Variants in CEP104 observed in about 807,000 individuals in gnomAD.
CEP104 encodes centrosomal protein 104.
CEP104 carries 84 observed loss-of-function variants against 113.3 expected under a neutral mutation model. The observed-to-expected ratio is 0.74, with a 90% CI of 0.62 to 0.89. CEP104 has a LOEUF of 0.89. Among genes scored for constraint, CEP104 ranks in the 40% least tolerant of loss-of-function variants. CEP104 has a pLI of 0.00. For synonymous variants in CEP104, 378 were observed against 421.7 expected (o/e 0.90, Z 1.27); for missense variants, 1,053 against 1,156.6 (o/e 0.91, Z 1.30).
At chr1:3,833,008 T>A (rs780288246) in intron 12 of CEP104, among the ~76,000 whole-genome samples, 1 of 137,906 alleles carries the variant, frequency 7.3e-6, no homozygotes, top group African/African-American at 2.8e-5. Flanking sequence ...TTTTTTAAGA[T>A]GGAGTCTCAC....
chr1:3,816,422 C>G (rs374111786), intron 20 of CEP104, 52 bp from the exon 21 acceptor site: 1 of 1,434,796 alleles, frequency 7.0e-7, no homozygotes, highest in African/African-American at 1.4e-5. Flanking sequence ...GGACCTGGCA[C>G]GCTACCTGAG....
chr1:3,856,195 G>A (rs1431970226), intron 1 of CEP104, among the ~76,000 whole-genome samples: 1 of 152,190 alleles, frequency 6.6e-6, no homozygotes, highest in Non-Finnish European at 1.5e-5. Flanking sequence ...TATTACTTGA[G>A]GTCAGGAGTT....
chr1:3,825,136 GT>G (rs1644065335), intron 18 of CEP104, among the ~76,000 whole-genome samples: 1 of 102,778 alleles, frequency 9.7e-6, no homozygotes, highest in Admixed American at 9.1e-5. Flanking sequence ...CAGTGGCACT[GT>G]GGGAAGGGGG....
At chr1:3,851,816 A>C (rs1644616727) in intron 2 of CEP104, among the ~76,000 whole-genome samples, 1 of 152,182 alleles carries the variant, frequency 6.6e-6, no homozygotes, top group South Asian at 2.1e-4. Flanking sequence ...TGCCCAATTG[A>C]ACATTTTAAT....
chr1:3,835,366 G>A (rs1363467441), intron 10 of CEP104, among the ~76,000 whole-genome samples: 1 of 152,060 alleles, frequency 6.6e-6, no homozygotes, highest in Non-Finnish European at 1.5e-5. Flanking sequence ...GAGAACGAGG[G>A]AAAACCCTAC....
chr1:3,833,828 T>A (rs1644260870), intron 12 of CEP104, 34 bp downstream of exon 12: 3 of 1,606,156 alleles, frequency 1.9e-6, no homozygotes, highest in Non-Finnish European at 2.6e-6. Flanking sequence ...ATGTTTATCA[T>A]CTACGGTTTC....
In CEP104 at chr1:3,823,280, G is replaced by A. The variant is rs944269496; in HGVS notation, c.2504-39C>T. 6.2e-7 allele frequency: 1 copy of A among 1,612,522 alleles called. No homozygotes were observed. The highest frequency in any genetic ancestry group is 1.3e-5 in the African/African-American group (1 of 75,040). Reference sequence around the variant, plus strand: ...AAAAAGACTCAGTCGCTCCCTGAATGACAGGCGACAAGACATGCTGCTGGC... The same window carrying A: ...AAAAAGACTCAGTCGCTCCCTGAATAACAGGCGACAAGACATGCTGCTGGC... On this transcript the variant is annotated intron_variant, in intron 19 of 21. Coordinates refer to ENST00000378230, the MANE Select transcript of CEP104 (RefSeq NM_014704.4). This position sits in a 1 kb window ranked among gnomAD's most constrained non-coding sequence, Gnocchi z 4.1.
intron 18 of CEP104, among the ~76,000 whole-genome samples, chr1:3,824,025 G>A (rs186382958): frequency 1.9e-4 from 29 of 152,304 alleles, no homozygotes; most frequent in African/African-American, 6.5e-4. Context: ...ACTTCAGGCC[G>A]CAGGACTTGA....
At chr1:3,816,892 C>T (rs907051588) in intron 20 of CEP104, among the ~76,000 whole-genome samples, 1 of 152,268 alleles carries the variant, frequency 6.6e-6, no homozygotes, top group Non-Finnish European at 1.5e-5. Flanking sequence ...CAGCCAGCTT[C>T]TTTCCTTTAC....
chr1:3,834,148 C>T (rs904297924), intron 11 of CEP104, 113 bp from the exon 12 acceptor site: 133 of 908,594 alleles, frequency 1.5e-4, no homozygotes, highest in Middle Eastern at 3.5e-4. Flanking sequence ...AATGACATCT[C>T]GTCTGAAAGG....
intron 15 of CEP104, among the ~76,000 whole-genome samples, chr1:3,828,140 T>C (rs1463472442): frequency 6.6e-6 from 1 of 151,884 alleles, no homozygotes; most frequent in East Asian, 1.9e-4. Flanking sequence ...TCCTGGGCTG[T>C]GGTGAGGGAG....
At position 3,816,334 on chromosome 1, in the gene CEP104, T is replaced by C. The variant is rs1402795018; in HGVS notation, c.2608A>G (p.Thr870Ala). 4 of 1,553,364 alleles carry C rather than the reference T, an allele frequency of 2.6e-6. No individual in the cohort carries two copies. The East Asian group carries it at 9.7e-5, about 38-fold the overall frequency. ...ATGTGTGTCTTGCGCAGGTTCATCG[T>C]GCAGCCGGCTGGGCCCATCAGGTGA... ...KAHLMGPAGC[T>A]MNLRKTHILQ... is the part of the protein sequence containing the mutation. Residue 870 changes from threonine (T) to alanine (A), a missense_variant, in exon 21 of 22, where the codon ACG becomes GCG. Transcript: ENST00000378230.
chr1:3,815,046 CG>C lies in CEP104; in HGVS notation c.*355del, dbSNP rs1410683618. ...AAATTGCTCCAAGCACTAAGGAAAGCGGGACCGTGCCTGTGCTGACCGTGGC... is the reference window on the plus strand; with the variant it reads ...AAATTGCTCCAAGCACTAAGGAAAGCGGACCGTGCCTGTGCTGACCGTGGC... On this transcript the variant is annotated 3_prime_UTR_variant, in exon 22 of 22. Coordinates refer to ENST00000378230, the MANE Select transcript of CEP104 (RefSeq NM_014704.4). The C allele has an allele frequency of 4.5e-6, 1 of 221,846 alleles. No individual in the cohort carries two copies. Among genetic ancestry groups the C allele is most frequent in the East Asian group, 1.2e-4 (1 of 8,376 alleles). The allele number at this position is 221,846 out of a possible 1,614,324, so 13.7% of individuals were successfully genotyped here. A position where few individuals can be genotyped will look rare whatever the true frequency, so the allele number is the denominator to read the frequency against.
At chr1:3,816,192 G>T in intron 21 of CEP104, 88 bp downstream of exon 21, 1 of 1,142,058 alleles carries the variant, frequency 8.8e-7, no homozygotes, top group Non-Finnish European at 1.2e-6. Context: ...ATGGGGTCTT[G>T]CCATGTTGCC....
At chr1:3,827,938 T>G (rs563429286) in intron 15 of CEP104, among the ~76,000 whole-genome samples, 1 of 151,988 alleles carries the variant, frequency 6.6e-6, no homozygotes, top group African/African-American at 2.4e-5. Context: ...GGAGAGGCGC[T>G]CCATAAACAC....
chr1:3,847,244 G>A (rs908890257), intron 4 of CEP104, among the ~76,000 whole-genome samples: 47 of 152,302 alleles, frequency 3.1e-4, no homozygotes, highest in African/African-American at 1.1e-3. Context: ...CCCACTGTCT[G>A]GTGATGCTGG....
chr1:3,833,648 A>T, intron 12 of CEP104: 1 of 406,216 alleles, frequency 2.5e-6, no homozygotes. Context: ...TTGGATAAAA[A>T]AAACATTGGA....
chr1:3,820,210 CAAG>C (rs1643944100), intron 20 of CEP104, among the ~76,000 whole-genome samples: 2 of 151,958 alleles, frequency 1.3e-5, no homozygotes, highest in Non-Finnish European at 2.9e-5. Flanking sequence ...ATGTTGGGAA[CAAG>C]AAGGGAAGGA....
In CEP104 at chr1:3,813,087, T is replaced by C. The variant is rs1022364214; in HGVS notation, c.*2315A>G. On this transcript the variant is annotated 3_prime_UTR_variant, in exon 22 of 22. Transcript: ENST00000378230. ...GAAAAGAATAATTCCTTGGTTAACT[T>C]TTCTCATTCTTGTTCTGTTTAAAGA... is the stretch of plus-strand genomic sequence containing the variant. 4.6e-5 allele frequency: 7 copies of C among 152,146 alleles called. No homozygotes were observed. The highest frequency in any genetic ancestry group is 7.4e-5 in the Non-Finnish European group (5 of 68,026). 9.4% of individuals were successfully genotyped at this position (152,146 alleles called of 1,614,324 possible). A position where few individuals can be genotyped will look rare whatever the true frequency, so the allele number is the denominator to read the frequency against.
Sources: gnomAD v4.1 joint callset for allele counts (sites outside exome capture counted in the v4.1 genomes callset) on GRCh38, gnomAD v4.1.1 for gene constraint, Gnocchi (gnomAD v3.1) non-coding constraint, MANE v1.5 for transcripts, NCBI Gene and HGNC (gene_info 2026-07-23, HGNC 2026-07-21) for gene names.